Variants in KCNN2 observed in about 807,000 individuals in gnomAD.
The protein encoded by KCNN2 is small conductance calcium-activated potassium channel protein 2.
In KCNN2, 24 loss-of-function variants were observed where a neutral mutation model predicts 55.5. The observed-to-expected ratio is 0.43, with a 90% confidence interval of 0.31 to 0.61. The LOEUF is 0.61. Ranked by LOEUF, KCNN2 falls within the 20% of genes least tolerant of loss-of-function variation. The pLI is 0.08. For synonymous variants in KCNN2, 431 were observed against 336.1 expected, an observed-to-expected ratio of 1.28 and a Z score of -3.09; for missense variants, 754 against 853.6, an observed-to-expected ratio of 0.88 and a Z score of 1.45.
At chr5:114,183,555 C>G (rs1267774114) in intron 1 of KCNN2, among the ~76,000 whole-genome samples, 2 of 152,040 alleles carry the variant, frequency 1.3e-5, no homozygotes, top group Non-Finnish European at 2.9e-5. Flanking sequence ...TCTGCTTCAT[C>G]TTTTGTCACT....
At chr5:114,289,077 C>T (rs1324250339) in intron 2 of KCNN2, among the ~76,000 whole-genome samples, 2 of 152,106 alleles carry the variant, frequency 1.3e-5, no homozygotes, top group African/African-American at 4.8e-5. Flanking sequence ...ACAGTTTTAC[C>T]AGCACCATTT....
intron 2 of KCNN2, among the ~76,000 whole-genome samples, chr5:114,403,978 G>A (rs1054630091): frequency 1.3e-5 from 2 of 152,160 alleles, no homozygotes; most frequent in African/African-American, 2.4e-5. Flanking sequence ...CTGTAAGAAC[G>A]CTCATGTGTT....
In KCNN2 at chr5:114,362,383, G is replaced by A; in HGVS notation, c.244G>A (p.Ala82Thr). The A allele has an allele frequency of 4.3e-6, 1 of 231,782 alleles. No individual in the cohort carries two copies. Among genetic ancestry groups the A allele is most frequent in the Non-Finnish European group, 8.3e-6 (1 of 120,720 alleles). 14.4% of individuals were successfully genotyped at this position (231,782 alleles called of 1,614,324 possible). ...CTCCTCCGGTGCCCCGGCGGCGGGGGCGGGAGATAACCTGTCCCTGCTGCT... is the reference window on the plus strand; with the variant it reads ...CTCCTCCGGTGCCCCGGCGGCGGGGACGGGAGATAACCTGTCCCTGCTGCT... ...CASSGAPAAGAGDNLSLLLRT... is the reference protein window; with the variant it reads ...CASSGAPAAGTGDNLSLLLRT... The change falls in exon 1 of 8, where the codon GCG becomes ACG. Residue 82 changes from alanine to threonine, a missense_variant. Coordinates refer to ENST00000673685, the MANE Select transcript of KCNN2 (RefSeq NM_021614.4).
rs189752168 is a variant in KCNN2 at position 114,198,944 on chromosome 5, A to G, written c.-270-22536A>G. ...TGTTCTGTAAATGTCTGTTAAGTCC[A>G]TTTGGTCTAAAATCCAATGTAAGTT... On this transcript the variant is annotated intron_variant, in intron 1 of 10. Coordinates refer to the KCNN2 transcript ENST00000512097. Among the ~76,000 whole-genome samples the G allele has an allele frequency of 6.8e-3, 1,029 of 152,194 alleles. 13 individuals carry two copies. Among genetic ancestry groups the G allele is most frequent in the Middle Eastern group, 0.014 (4 of 294 alleles).
chr5:114,495,721 T>G (rs1225875343), intron 7 of KCNN2, among the ~76,000 whole-genome samples, 174 bp from the exon 8 acceptor site: 1 of 152,194 alleles, frequency 6.6e-6, no homozygotes, highest in Non-Finnish European at 1.5e-5. Flanking sequence ...CGATTATAAA[T>G]CCTGGCATTG....
chr5:114,214,036 G>C (rs1259528597), intron 1 of KCNN2, among the ~76,000 whole-genome samples: 1 of 151,996 alleles, frequency 6.6e-6, no homozygotes, highest in African/African-American at 2.4e-5. Flanking sequence ...CTAGGAGACA[G>C]GTTCTAGCCC....
At chr5:114,308,104 G>A (rs1389852259) in intron 2 of KCNN2, among the ~76,000 whole-genome samples, 1 of 152,114 alleles carries the variant, frequency 6.6e-6, no homozygotes, top group African/African-American at 2.4e-5. Flanking sequence ...AGGCTTTGCT[G>A]AAGTTTCTCC....
intron 2 of KCNN2, among the ~76,000 whole-genome samples, chr5:114,326,783 T>C (rs1475886385): frequency 6.6e-6 from 1 of 152,220 alleles, no homozygotes; most frequent in Non-Finnish European, 1.5e-5. Flanking sequence ...TTCCAAATCC[T>C]TGGTCCTGTT....
chr5:114,284,279 A>T (rs981239428), intron 2 of KCNN2, among the ~76,000 whole-genome samples: 1 of 152,178 alleles, frequency 6.6e-6, no homozygotes, highest in Non-Finnish European at 1.5e-5. Context: ...GGTTAGTGCA[A>T]ATCACCTAGT....
intron 6 of KCNN2, among the ~76,000 whole-genome samples, chr5:114,489,245 C>G (rs1410805400): frequency 6.6e-6 from 1 of 151,884 alleles, no homozygotes; most frequent in East Asian, 1.9e-4. Context: ...GGGTTTTTAC[C>G]GTAAAATGCT....
intron 2 of KCNN2, among the ~76,000 whole-genome samples, chr5:114,376,824 T>TTTG (rs1375444135): frequency 6.6e-6 from 1 of 152,200 alleles, no homozygotes; most frequent in Non-Finnish European, 1.5e-5. Context: ...GACTTATACC[T>TTTG]GTAATCTCAA....
chr5:114,150,981 A>C (rs757531010), intron 1 of KCNN2, among the ~76,000 whole-genome samples: 8 of 152,186 alleles, frequency 5.3e-5, no homozygotes, highest in Non-Finnish European at 1.2e-4. Context: ...AGATGGCGCC[A>C]TTGCACTCCA....
chr5:114,266,740 C>T (rs1360802212), intron 2 of KCNN2, among the ~76,000 whole-genome samples: 1 of 152,152 alleles, frequency 6.6e-6, no homozygotes, highest in Non-Finnish European at 1.5e-5. Flanking sequence ...TCGTTGCACA[C>T]CATTTGAGGG....
intron 1 of KCNN2, among the ~76,000 whole-genome samples, chr5:114,163,332 A>AT (rs1368016994): frequency 6.6e-6 from 1 of 152,138 alleles, no homozygotes; most frequent in Non-Finnish European, 1.5e-5. Flanking sequence ...ACTATGTTGA[A>AT]TAGGAGTGGT....
intron 1 of KCNN2, among the ~76,000 whole-genome samples, chr5:114,076,947 G>A (rs534829221): frequency 2.0e-5 from 3 of 152,184 alleles, no homozygotes; most frequent in Admixed American, 6.5e-5. Context: ...CACCCACCTC[G>A]GCCTCCCAAA....
intron 3 of KCNN2, among the ~76,000 whole-genome samples, chr5:114,449,755 A>G (rs923418715): frequency 6.6e-6 from 1 of 151,326 alleles, no homozygotes; most frequent in African/African-American, 2.4e-5. Flanking sequence ...TTTTTTCCTT[A>G]CAGATTTAAG....
chr5:114,492,317 A>C (rs1366075879), intron 6 of KCNN2, among the ~76,000 whole-genome samples: 3 of 152,168 alleles, frequency 2.0e-5, no homozygotes, highest in Non-Finnish European at 2.9e-5. Flanking sequence ...CAATTGAAAA[A>C]TAATAAAAAA....
intron 5 of KCNN2, among the ~76,000 whole-genome samples, chr5:114,473,820 T>A (rs959807667): frequency 1.3e-4 from 20 of 152,314 alleles, no homozygotes; most frequent in Non-Finnish European, 2.9e-4. Flanking sequence ...AGGGAAGTGC[T>A]ATTATTCTGG....
chr5:114,275,948 T>C lies in KCNN2; in HGVS notation c.-185+54383T>C, dbSNP rs180807527. Among the ~76,000 whole-genome samples, 23 of 152,308 alleles carry C rather than the reference T, an allele frequency of 1.5e-4. No homozygotes were observed. In the Middle Eastern group the frequency reaches 0.01, roughly 68 times the overall value. On this transcript the variant is annotated intron_variant, in intron 2 of 10. Transcript: ENST00000512097. ...GGTGTCGATTTTTGATCTCTCCTGC[T>C]TTCTCTTGTGGGCATTTAGTGCTAT...
Sources: allele counts gnomAD v4.1 joint callset (sites outside exome capture counted in the v4.1 genomes callset), GRCh38; gene constraint gnomAD v4.1.1; transcripts MANE v1.5; gene names NCBI Gene and HGNC (gene_info 2026-07-23, HGNC 2026-07-21).